Variants in PLCL1 observed in about 807,000 individuals in gnomAD.
PLCL1 encodes the protein phospholipase C like 1 (inactive).
PLCL1 carries 41 observed loss-of-function variants against 84.4 expected under a neutral mutation model. The observed-to-expected ratio is 0.49, with a 90% CI of 0.38 to 0.63. The LOEUF is 0.63. Among genes scored for constraint, PLCL1 ranks in the 30% least tolerant of loss-of-function variants. The pLI, the probability that PLCL1 is intolerant of heterozygous loss-of-function variation, is 0.00. For synonymous variants in PLCL1, 490 were observed against 488.3 expected, an observed-to-expected ratio of 1.00 and a Z score of -0.05; for missense variants, 1,206 against 1,367.8, an observed-to-expected ratio of 0.88 and a Z score of 1.87.
Position 197,994,390 on chromosome 2 carries a change from T to C in PLCL1, c.241-89368T>C, listed in dbSNP as rs149999729. ...TTTTAACATCCTGTAACAAACATCA[T>C]ATGCAGTCCATATCCCTAAAAGTTT... On this transcript the variant is annotated intron_variant, in intron 1 of 5. Transcript: ENST00000428675. 1.9e-3 allele frequency among the ~76,000 whole-genome samples: 285 copies of C among 152,318 alleles called. 1 individual carries two copies. Among genetic ancestry groups the C allele is most frequent in the African/African-American group, 6.6e-3 (273 of 41,564 alleles).
At chr2:198,028,917 A>G (rs1343909695) in intron 1 of PLCL1, among the ~76,000 whole-genome samples, 1 of 152,194 alleles carries the variant, frequency 6.6e-6, no homozygotes, top group Non-Finnish European at 1.5e-5. Flanking sequence ...TAAAGAGAAG[A>G]TATTACAAAC....
At chr2:198,138,407 C>A (rs919477196) in intron 5 of PLCL1, among the ~76,000 whole-genome samples, 3 of 152,078 alleles carry the variant, frequency 2.0e-5, no homozygotes, top group African/African-American at 7.2e-5. Flanking sequence ...CCCTTTGATC[C>A]ATTCACCTCC....
chr2:198,027,790 G>A (rs2105845886), intron 1 of PLCL1, among the ~76,000 whole-genome samples: 1 of 152,134 alleles, frequency 6.6e-6, no homozygotes, highest in Non-Finnish European at 1.5e-5. Flanking sequence ...AGGGAAAGCT[G>A]GGGAAAGGGT....
intron 3 of PLCL1, among the ~76,000 whole-genome samples, chr2:198,093,552 C>T (rs1002428427): frequency 3.3e-5 from 5 of 152,050 alleles, no homozygotes; most frequent in African/African-American, 1.2e-4. Flanking sequence ...AGATTTATTG[C>T]CTAGTGGTGT....
intron 1 of PLCL1, among the ~76,000 whole-genome samples, chr2:198,057,514 GA>G (rs1692097075): frequency 6.6e-6 from 1 of 152,146 alleles, no homozygotes; most frequent in Non-Finnish European, 1.5e-5. Flanking sequence ...ATAGTGAATA[GA>G]AAAGCAGTAA....
intron 1 of PLCL1, among the ~76,000 whole-genome samples, chr2:197,863,945 C>T (rs548706124): frequency 6.6e-6 from 1 of 152,226 alleles, no homozygotes; most frequent in South Asian, 2.1e-4. Flanking sequence ...TTAATAACAT[C>T]TTAAACACTC....
At chr2:198,018,462 T>C (rs1438150884) in intron 1 of PLCL1, among the ~76,000 whole-genome samples, 1 of 152,076 alleles carries the variant, frequency 6.6e-6, no homozygotes, top group African/African-American at 2.4e-5. Flanking sequence ...ATGGAACCCA[T>C]CAAGCTGAGA....
chr2:198,101,133 A>G, intron 3 of PLCL1, 152 bp from the exon 4 acceptor site: 1 of 640,518 alleles, frequency 1.6e-6, no homozygotes. Context: ...GGGGGTTGGA[A>G]CAGAGCTTAT....
intron 1 of PLCL1, among the ~76,000 whole-genome samples, chr2:198,051,377 A>C (rs1691926463): frequency 6.6e-6 from 1 of 152,172 alleles, no homozygotes; most frequent in African/African-American, 2.4e-5. Flanking sequence ...AACATATTAC[A>C]GTTTTAGATT....
intron 1 of PLCL1, among the ~76,000 whole-genome samples, chr2:197,923,212 C>T (rs1374594038): frequency 1.4e-5 from 2 of 143,674 alleles, no homozygotes; most frequent in African/African-American, 5.1e-5. Flanking sequence ...GGGGGCTGAC[C>T]CCCCACCTCC....
intron 1 of PLCL1, among the ~76,000 whole-genome samples, chr2:198,051,172 T>C (rs754734708): frequency 2.0e-5 from 3 of 151,942 alleles, no homozygotes; most frequent in Non-Finnish European, 4.4e-5. Context: ...AACTGAAAAA[T>C]GGATAACAAG....
At position 198,002,099 on chromosome 2, in the gene PLCL1, A is replaced by C. The variant is rs1690615259; in HGVS notation, c.241-81659A>C. 1.8e-5 allele frequency: 5 copies of C among 272,602 alleles called. 1 individual carries two copies. The South Asian group carries it at 2.0e-4, about 11-fold the overall frequency. 16.9% of individuals were successfully genotyped at this position (272,602 alleles called of 1,614,324 possible). Reference sequence around the variant, plus strand: ...AATGTAATGTGCTTAAATCATCCCAAAACCATCTCCACCCCCTGGTCCATG... The same window carrying C: ...AATGTAATGTGCTTAAATCATCCCACAACCATCTCCACCCCCTGGTCCATG... On this transcript the variant is annotated intron_variant, in intron 1 of 5. Coordinates refer to ENST00000428675, the MANE Select transcript of PLCL1 (RefSeq NM_006226.4).
intron 1 of PLCL1, among the ~76,000 whole-genome samples, chr2:198,017,523 G>T (rs1376015401): frequency 6.6e-6 from 1 of 152,182 alleles, no homozygotes; most frequent in African/African-American, 2.4e-5. Context: ...CAAAAAAATT[G>T]TTCTCTTTGT....
chr2:198,139,377 A>G (rs542421444), intron 5 of PLCL1, among the ~76,000 whole-genome samples: 5 of 152,160 alleles, frequency 3.3e-5, no homozygotes, highest in Admixed American at 6.6e-5. Context: ...GTCTGTCTCT[A>G]CATTTGCATT....
At chr2:197,977,689 A>C (rs1690015615) in intron 1 of PLCL1, among the ~76,000 whole-genome samples, 1 of 152,098 alleles carries the variant, frequency 6.6e-6, no homozygotes, top group Non-Finnish European at 1.5e-5. Context: ...GCTGGCGCTG[A>C]GTGTGGCACT....
intron 1 of PLCL1, among the ~76,000 whole-genome samples, chr2:197,856,014 C>G (rs985398026): frequency 5.3e-5 from 8 of 152,174 alleles, no homozygotes; most frequent in African/African-American, 1.9e-4. Context: ...CCAGCCATAT[C>G]TACAGCAAGT....
At chr2:198,118,592 G>A (rs1693799514) in intron 5 of PLCL1, among the ~76,000 whole-genome samples, 2 of 152,110 alleles carry the variant, frequency 1.3e-5, no homozygotes, top group South Asian at 2.1e-4. Context: ...AGCACAACCA[G>A]TATTATTTTC....
At chr2:197,959,283 G>A (rs1401710767) in intron 1 of PLCL1, among the ~76,000 whole-genome samples, 1 of 152,030 alleles carries the variant, frequency 6.6e-6, no homozygotes, top group Non-Finnish European at 1.5e-5. Context: ...AACTGATGGT[G>A]CAGTTGATGT....
chr2:197,878,354 C>T (rs534872056), intron 1 of PLCL1, among the ~76,000 whole-genome samples: 14 of 152,216 alleles, frequency 9.2e-5, no homozygotes, highest in African/African-American at 3.4e-4. Flanking sequence ...TAGCAGCAAG[C>T]ATTTGACTTG....
Sources: gnomAD v4.1 joint callset for allele counts (sites outside exome capture counted in the v4.1 genomes callset) on GRCh38, gnomAD v4.1.1 for gene constraint, MANE v1.5 for transcripts, NCBI Gene and HGNC (gene_info 2026-07-23, HGNC 2026-07-21) for gene names.